The following PRKG1 variants were observed in gnomAD, a reference collection of about 807,000 sequenced individuals.
PRKG1 encodes protein kinase cGMP-dependent 1.
PRKG1 carries 35 observed loss-of-function variants against 88.1 expected under a neutral mutation model. The ratio of observed to expected loss-of-function variants is 0.40; its 90% CI spans 0.30 to 0.53. The LOEUF is 0.53. PRKG1 is among the 20% of genes least tolerant of loss of function. The pLI is 0.59. For missense variants in PRKG1, 540 were observed against 839.8 expected (o/e 0.64, Z 4.41); for synonymous variants, 303 against 292.5 (o/e 1.04, Z -0.37).
intron 3 of PRKG1, among the ~76,000 whole-genome samples, chr10:51,652,567 A>G (rs1840065798): frequency 6.6e-6 from 1 of 152,168 alleles, no homozygotes; most frequent in South Asian, 2.1e-4. Context: ...CCATTTCTTT[A>G]TAAAATTTTT....
chr10:51,087,432 T>C (rs1374141366), intron 1 of PRKG1, among the ~76,000 whole-genome samples: 1 of 152,188 alleles, frequency 6.6e-6, no homozygotes, highest in Non-Finnish European at 1.5e-5. Flanking sequence ...GTTTTTCATA[T>C]GGAGAAAATG....
intron 1 of PRKG1, among the ~76,000 whole-genome samples, chr10:51,092,102 A>G (rs1180607844): frequency 6.6e-6 from 1 of 152,182 alleles, no homozygotes; most frequent in Non-Finnish European, 1.5e-5. Flanking sequence ...CAGAGTCAAC[A>G]GGTTAAAGAT....
chr10:51,382,753 G>A (rs991708383), intron 2 of PRKG1, among the ~76,000 whole-genome samples: 1 of 152,134 alleles, frequency 6.6e-6, no homozygotes, highest in Non-Finnish European at 1.5e-5. Flanking sequence ...GGAGAACAAA[G>A]CTCTGGCTCC....
At chr10:51,849,809 A>G (rs930997217) in intron 4 of PRKG1, among the ~76,000 whole-genome samples, 3 of 152,192 alleles carry the variant, frequency 2.0e-5, no homozygotes, top group Non-Finnish European at 4.4e-5. Flanking sequence ...TTTCAAACTT[A>G]TCACATTCAA....
At chr10:52,003,746 C>T (rs1430093463) in intron 5 of PRKG1, among the ~76,000 whole-genome samples, 2 of 152,158 alleles carry the variant, frequency 1.3e-5, no homozygotes, top group East Asian at 3.9e-4. Flanking sequence ...ATAGGAGACA[C>T]AGAGAGATAA....
At chr10:51,103,702 G>A (rs945158620) in intron 1 of PRKG1, among the ~76,000 whole-genome samples, 1 of 152,156 alleles carries the variant, frequency 6.6e-6, no homozygotes, top group Non-Finnish European at 1.5e-5. Flanking sequence ...CAGGCAGGAA[G>A]TGTCAAGCTT....
At chr10:51,438,464 G>T (rs1835001308) in intron 2 of PRKG1, among the ~76,000 whole-genome samples, 1 of 151,806 alleles carries the variant, frequency 6.6e-6, no homozygotes, top group Non-Finnish European at 1.5e-5. Flanking sequence ...CAGTTTCTCA[G>T]TCTTGTTTTT....
At chr10:51,167,706 G>A (rs998583025) in intron 2 of PRKG1, among the ~76,000 whole-genome samples, 2 of 152,096 alleles carry the variant, frequency 1.3e-5, no homozygotes, top group South Asian at 2.1e-4. Flanking sequence ...ATTAGATGTG[G>A]GTGTGAGAGA....
At chr10:51,881,048 A>C (rs974909272) in intron 4 of PRKG1, among the ~76,000 whole-genome samples, 2 of 131,048 alleles carry the variant, frequency 1.5e-5, no homozygotes, top group Admixed American at 8.3e-5. Context: ...AGTATGTGGG[A>C]TGGGTGGGGG....
chr10:51,922,141 G>A (rs887026655), intron 5 of PRKG1, among the ~76,000 whole-genome samples: 4 of 151,872 alleles, frequency 2.6e-5, no homozygotes, highest in East Asian at 1.9e-4. Flanking sequence ...GGTAGATCAT[G>A]TCTTTTAAGG....
intron 2 of PRKG1, among the ~76,000 whole-genome samples, chr10:51,238,314 C>G (rs1440636551): frequency 6.6e-6 from 1 of 152,184 alleles, no homozygotes; most frequent in Non-Finnish European, 1.5e-5. Flanking sequence ...GGCGAGATGG[C>G]TCACGCCTAT....
chr10:51,099,947 G>T (rs750555427), intron 1 of PRKG1, among the ~76,000 whole-genome samples: 6 of 152,092 alleles, frequency 3.9e-5, no homozygotes, highest in African/African-American at 7.2e-5. Context: ...TTAGGCTGGC[G>T]TGCAGTGGCA....
intron 2 of PRKG1, among the ~76,000 whole-genome samples, chr10:51,189,998 T>A (rs1837591234): frequency 6.6e-6 from 1 of 151,904 alleles, no homozygotes; most frequent in Non-Finnish European, 1.5e-5. Context: ...CTTCCGACTC[T>A]TTGTCCAGTA....
At chr10:51,173,294 G>T (rs1315940017) in intron 2 of PRKG1, among the ~76,000 whole-genome samples, 2 of 151,756 alleles carry the variant, frequency 1.3e-5, no homozygotes, top group South Asian at 2.1e-4. Flanking sequence ...GTTTGTTAAG[G>T]TTTCTAAAAC....
intron 1 of PRKG1, among the ~76,000 whole-genome samples, chr10:51,086,593 A>G (rs1844254117): frequency 6.6e-6 from 1 of 152,192 alleles, no homozygotes; most frequent in Admixed American, 6.5e-5. Flanking sequence ...TATAACCACG[A>G]TAGTTTAAGC....
rs146213349 is a variant in PRKG1 at position 51,324,473 on chromosome 10, C to T, written c.479-143250C>T. On this transcript the variant is annotated intron_variant, in intron 2 of 17. Transcript: ENST00000373980. ...CATTAAGGTTCCATTGTGGGCCGGG[C>T]GCGGTGGCTCACGCCAGGCCGAGGC... 5.0e-3 allele frequency among the ~76,000 whole-genome samples: 754 copies of T among 151,388 alleles called. 3 individuals are homozygous for T. The highest frequency in any genetic ancestry group is 0.02 in the Middle Eastern group (6 of 294).
intron 3 of PRKG1, among the ~76,000 whole-genome samples, chr10:51,754,695 A>G (rs996815144): frequency 6.6e-6 from 1 of 152,216 alleles, no homozygotes; most frequent in African/African-American, 2.4e-5. Flanking sequence ...GGTGCCCATT[A>G]GTGAAGTAGT....
intron 5 of PRKG1, among the ~76,000 whole-genome samples, chr10:51,993,274 C>A (rs1844357261): frequency 6.6e-6 from 1 of 151,908 alleles, no homozygotes; most frequent in African/African-American, 2.4e-5. Context: ...TTAAGTGGCT[C>A]TGGCTCAGTA....
chr10:51,939,966 A>G (rs567441196), intron 5 of PRKG1, among the ~76,000 whole-genome samples: 1 of 152,054 alleles, frequency 6.6e-6, no homozygotes, highest in South Asian at 2.1e-4. Flanking sequence ...ACATTCAATG[A>G]ATGGAGTCTT....
Sources: gnomAD v4.1 joint callset for allele counts (sites outside exome capture counted in the v4.1 genomes callset) on GRCh38, gnomAD v4.1.1 for gene constraint, MANE v1.5 for transcripts, NCBI Gene and HGNC (gene_info 2026-07-23, HGNC 2026-07-21) for gene names.